Variants in SYNRG observed in about 807,000 individuals in gnomAD.
SYNRG encodes the protein synergin gamma.
A neutral mutation model predicts 130.9 loss-of-function variants in SYNRG; 37 were observed. The ratio of observed to expected loss-of-function variants is 0.28; its 90% CI spans 0.22 to 0.37. The LOEUF is 0.37. Among genes scored for constraint, SYNRG ranks in the 10% least tolerant of loss-of-function variants. SYNRG has a pLI of 1.00. For synonymous variants in SYNRG, 539 were observed against 568.1 expected (o/e 0.95, Z 0.73); for missense variants, 1,338 against 1,588.9 (o/e 0.84, Z 2.68).
chr17:37,527,259 G>A (rs911607687), intron 19 of SYNRG, among the ~76,000 whole-genome samples: 2 of 151,984 alleles, frequency 1.3e-5, no homozygotes, highest in Non-Finnish European at 2.9e-5. Context: ...TAATTTTCCA[G>A]GACAGAATTC....
chr17:37,519,805 C>T (rs1251798440), intron 21 of SYNRG, among the ~76,000 whole-genome samples: 1 of 152,180 alleles, frequency 6.6e-6, no homozygotes, highest in Non-Finnish European at 1.5e-5. Context: ...ATAAACAAAA[C>T]TCTAAAACCC....
chr17:37,527,120 T>C (rs560311937), intron 19 of SYNRG, among the ~76,000 whole-genome samples: 5 of 152,320 alleles, frequency 3.3e-5, no homozygotes, highest in Admixed American at 1.3e-4. Flanking sequence ...TGAAAGGAAG[T>C]AGTAAAGAAT....
At chr17:37,520,490 C>A in intron 20 of SYNRG, 48 bp downstream of exon 20, 1 of 1,556,200 alleles carries the variant, frequency 6.4e-7, no homozygotes, top group Non-Finnish European at 8.9e-7. Flanking sequence ...TGTCCAGAGT[C>A]ATGTTAGGGA....
chr17:37,544,384 G>A (rs930490183), intron 14 of SYNRG, among the ~76,000 whole-genome samples: 6 of 151,470 alleles, frequency 4.0e-5, no homozygotes, highest in African/African-American at 9.7e-5. Flanking sequence ...GCGCGATCTC[G>A]GCTCACTACA....
intron 14 of SYNRG, among the ~76,000 whole-genome samples, chr17:37,544,472 G>A (rs1000354452): frequency 4.6e-5 from 7 of 151,988 alleles, no homozygotes; most frequent in East Asian, 1.9e-4. Context: ...CCGCCACCAC[G>A]CCTGGCTAGT....
At chr17:37,601,995 G>T (rs940963830) in intron 1 of SYNRG, among the ~76,000 whole-genome samples, 9 of 151,742 alleles carry the variant, frequency 5.9e-5, no homozygotes, top group African/African-American at 2.4e-5. Flanking sequence ...AAGCCTGGGC[G>T]ACAGAGTGAG....
At chr17:37,569,183 A>G (rs2060223734) in intron 10 of SYNRG, among the ~76,000 whole-genome samples, 1 of 152,234 alleles carries the variant, frequency 6.6e-6, no homozygotes, top group South Asian at 2.1e-4. Flanking sequence ...ATCGAGGCAG[A>G]CAGATCTCCT....
intron 1 of SYNRG, among the ~76,000 whole-genome samples, chr17:37,605,513 T>C (rs1243183804): frequency 6.6e-6 from 1 of 152,202 alleles, no homozygotes; most frequent in Non-Finnish European, 1.5e-5. Flanking sequence ...CATAAACAGA[T>C]GTATAAAGGT....
At position 37,562,852 on chromosome 17, in the gene SYNRG, C is replaced by A. The variant is rs566197090; in HGVS notation, c.1482-1263G>T. Among the ~76,000 whole-genome samples, 695 of 151,944 alleles carry A rather than the reference C, an allele frequency of 4.6e-3. 6 individuals are homozygous for A. Among genetic ancestry groups the A allele is most frequent in the African/African-American group, 0.016 (644 of 41,396 alleles). ...AAATTAACATCTTAGGGAAAAAAAACCCCCAAAGTTGAATGATTTCTTTAT... is the reference window on the plus strand; with the variant it reads ...AAATTAACATCTTAGGGAAAAAAAAACCCCAAAGTTGAATGATTTCTTTAT... On this transcript the variant is annotated intron_variant, in intron 11 of 21. Transcript: ENST00000612223.
At chr17:37,596,106 G>T in intron 3 of SYNRG, 117 bp downstream of exon 3, 1 of 1,190,678 alleles carries the variant, frequency 8.4e-7, no homozygotes. Context: ...TTTGAAGGAA[G>T]CCATTTATTT....
chr17:37,557,362 T>C lies in SYNRG; in HGVS notation c.1664-3303A>G, dbSNP rs17576667. Among the ~76,000 whole-genome samples, 1,469 of 152,324 alleles carry C rather than the reference T, an allele frequency of 9.6e-3. 13 individuals carry two copies. Among genetic ancestry groups the C allele is most frequent in the Non-Finnish European group, 0.015 (1,000 of 68,024 alleles). ...CACAGCTCTGAACAACACAATACTA[T>C]AAGATTCTTCATAAATTCTAAGATA... On this transcript the variant is annotated intron_variant, in intron 13 of 21. Transcript: ENST00000612223.
In SYNRG at chr17:37,520,612, A is replaced by G. The variant is rs1478482665; in HGVS notation, c.3703T>C (p.Leu1235=). 2 of 1,614,116 alleles carry G rather than the reference A, an allele frequency of 1.2e-6. No homozygotes were observed. The highest frequency in any genetic ancestry group is 3.3e-5 in the Admixed American group (2 of 60,014). The change falls in exon 20 of 22, where the codon TTA becomes CTA. Residue 1235 remains leucine, a synonymous_variant. Transcript: ENST00000612223. The part of the protein sequence containing the change: ...ENSLDFSSCM[L]RPGIKNAQEL... Reference sequence around the variant, plus strand: ...TGAGCATTTTTAATCCCAGGCCGTAACATACAGGAGGAAAAATCCAGCGAG... The same window carrying G: ...TGAGCATTTTTAATCCCAGGCCGTAGCATACAGGAGGAAAAATCCAGCGAG...
intron 3 of SYNRG, among the ~76,000 whole-genome samples, chr17:37,595,204 A>G (rs2062648487): frequency 6.6e-6 from 1 of 152,194 alleles, no homozygotes; most frequent in Non-Finnish European, 1.5e-5. Flanking sequence ...TTTAAACACA[A>G]AACAGAAGCT....
At chr17:37,541,165 G>T (rs1235796559) in intron 15 of SYNRG, 1 of 985,388 alleles carries the variant, frequency 1.0e-6, no homozygotes, top group African/African-American at 1.7e-5. Context: ...ATATCAGTAT[G>T]TAAGAGTTGT....
chr17:37,572,154 G>A (rs1312760984), intron 8 of SYNRG, among the ~76,000 whole-genome samples, 167 bp from the exon 9 acceptor site: 2 of 152,162 alleles, frequency 1.3e-5, no homozygotes, highest in African/African-American at 2.4e-5. Flanking sequence ...GCAGCTGGGC[G>A]TGGTGGCTCA....
intron 3 of SYNRG, among the ~76,000 whole-genome samples, chr17:37,593,535 G>A (rs550305028): frequency 1.3e-5 from 2 of 152,236 alleles, no homozygotes; most frequent in Admixed American, 1.3e-4. Context: ...ATTGGTTAGG[G>A]CTATTGAGTT....
chr17:37,570,929 C>G (rs765232236), intron 9 of SYNRG, 44 bp from the exon 10 acceptor site: 1 of 1,566,056 alleles, frequency 6.4e-7, no homozygotes, highest in Non-Finnish European at 8.6e-7. Context: ...TTGTAAACCA[C>G]ATACGGTCGA....
At position 37,609,351 on chromosome 17, in the gene SYNRG, G is replaced by A. The variant is rs1363786240; in HGVS notation, c.5C>T (p.Ala2Val). 4.8e-6 allele frequency: 7 copies of A among 1,449,580 alleles called. No individual in the cohort carries two copies. The highest frequency in any genetic ancestry group is 4.5e-6 in the Non-Finnish European group (5 of 1,107,402). 89.8% of individuals were successfully genotyped at this position (1,449,580 alleles called of 1,614,324 possible). Residue 2 changes from alanine (A) to valine (V), a missense_variant, in exon 1 of 22, where the codon GCG becomes GTG. Transcript: ENST00000612223. The part of the protein sequence containing the change: M[A>V]LRPGAGSGGG... ...ACCAGAACCAGCTCCTGGCCGCAGC[G>A]CCATCTTGCTCCCGACCTGCCGCTG...
chr17:37,550,682 C>A (rs764155980), intron 14 of SYNRG, among the ~76,000 whole-genome samples: 1 of 139,484 alleles, frequency 7.2e-6, no homozygotes. Context: ...GAAAAAAAGA[C>A]ATCAGAAAAG....
Sources: gnomAD v4.1 joint callset for allele counts (sites outside exome capture counted in the v4.1 genomes callset) on GRCh38, gnomAD v4.1.1 for gene constraint, MANE v1.5 for transcripts, NCBI Gene and HGNC (gene_info 2026-07-23, HGNC 2026-07-21) for gene names.